FAM193A: variants seen among roughly 807,000 people sequenced by gnomAD.
The protein encoded by FAM193A is protein FAM193A.
In FAM193A, 22 loss-of-function variants were observed where a neutral mutation model predicts 126.5. The ratio of observed to expected loss-of-function variants is 0.17; its 90% CI spans 0.12 to 0.25. The LOEUF is 0.25. Ranked by LOEUF, FAM193A falls within the 10% of genes least tolerant of loss-of-function variation. FAM193A has a pLI of 1.00. For synonymous variants in FAM193A, 761 were observed against 646.8 expected, an observed-to-expected ratio of 1.18 and a Z score of -2.68; for missense variants, 1,675 against 1,672.8, an observed-to-expected ratio of 1.00 and a Z score of -0.02.
chr4:2,563,438 T>C (rs1173921661), intron 1 of FAM193A, among the ~76,000 whole-genome samples: 2 of 151,070 alleles, frequency 1.3e-5, no homozygotes, highest in Admixed American at 6.6e-5. Flanking sequence ...GCATGGTGGC[T>C]CCCACCTATA....
intron 20 of FAM193A, among the ~76,000 whole-genome samples, chr4:2,722,796 A>AACCATTT (rs1720303660): frequency 1.3e-5 from 2 of 152,220 alleles, no homozygotes; most frequent in Non-Finnish European, 1.5e-5. Flanking sequence ...TGACAGTAAT[A>AACCATTT]ACCATTTTCA....
Position 2,699,775 on chromosome 4 carries a change from G to A in FAM193A, c.3603G>A (p.Glu1201=). 6.2e-7 allele frequency: 1 copy of A among 1,613,904 alleles called. No homozygotes were observed. Among genetic ancestry groups the A allele is most frequent in the Non-Finnish European group, 8.5e-7 (1 of 1,179,926 alleles). Residue 1201 remains glutamate, a synonymous_variant, in exon 19 of 21, where the codon GAG becomes GAA. Coordinates refer to ENST00000637812, the MANE Select transcript of FAM193A (RefSeq NM_001366318.2). ...EQRRREEEED[E]EEEEDRFKEE... is the part of the protein sequence containing the mutation. ...GGCGGCGGGAGGAGGAGGAGGATGA[G>A]GAAGAAGAGGAGGATCGTTTCAAGG...
intron 5 of FAM193A, among the ~76,000 whole-genome samples, chr4:2,636,284 C>T (rs1025332067): frequency 6.6e-6 from 1 of 151,956 alleles, no homozygotes; most frequent in Non-Finnish European, 1.5e-5. Flanking sequence ...AGGATGGTCT[C>T]GATCTCCTGA....
chr4:2,557,811 G>A (rs191323207), intron 1 of FAM193A, among the ~76,000 whole-genome samples: 73 of 152,228 alleles, frequency 4.8e-4, no homozygotes, highest in African/African-American at 1.6e-3. Flanking sequence ...AATTAGCCAG[G>A]TGTGGTGGTG....
chr4:2,599,187 A>G (rs778255730), intron 2 of FAM193A, among the ~76,000 whole-genome samples: 3 of 150,306 alleles, frequency 2.0e-5, no homozygotes, highest in Admixed American at 6.6e-5. Context: ...GACACTCTCA[A>G]CCTTTCAGAA....
chr4:2,638,067 G>A (rs908772371), intron 5 of FAM193A, among the ~76,000 whole-genome samples: 1 of 152,224 alleles, frequency 6.6e-6, no homozygotes, highest in Non-Finnish European at 1.5e-5. Flanking sequence ...ACAGGCAGGT[G>A]GAAATGGCTA....
intron 18 of FAM193A, 74 bp downstream of exon 18, chr4:2,696,667 T>A: frequency 8.5e-7 from 1 of 1,180,230 alleles, no homozygotes; most frequent in Non-Finnish European, 1.2e-6. Context: ...CGCCAGTCTC[T>A]AGGCAGGGCT....
chr4:2,728,588 C>T (rs1283647260), intron 20 of FAM193A, among the ~76,000 whole-genome samples: 1 of 152,056 alleles, frequency 6.6e-6, no homozygotes, highest in East Asian at 1.9e-4. Flanking sequence ...GGGCCTGGGG[C>T]TGAAATTTTG....
In FAM193A at chr4:2,586,669, T is replaced by G. The variant is rs148110850; in HGVS notation, c.256-9415T>G. On this transcript the variant is annotated intron_variant, in intron 1 of 20. Coordinates refer to ENST00000637812, the MANE Select transcript of FAM193A (RefSeq NM_001366318.2). ...TGAATTATTATAGCATTTGTTGTTGTTGAGAACAGGGTCTTGCTCTGTTGC... is the reference window on the plus strand; with the variant it reads ...TGAATTATTATAGCATTTGTTGTTGGTGAGAACAGGGTCTTGCTCTGTTGC... Among the ~76,000 whole-genome samples the G allele has an allele frequency of 1.5e-3, 229 of 152,328 alleles. 1 individual carries two copies. Among genetic ancestry groups the G allele is most frequent in the African/African-American group, 5.4e-3 (224 of 41,572 alleles).
chr4:2,699,916 A>G lies in FAM193A; in HGVS notation c.3744A>G (p.Ala1248=), dbSNP rs1403998991. The part of the protein sequence containing the change: ...KLDMLTRNFQ[A]ATESVPNSGN... ...ACATGCTCACTAGAAATTTCCAGGC[A>G]GCAACAGAGTCTGTTCCTAACTCTG... Residue 1248 remains alanine, a synonymous_variant, in exon 19 of 21, where the codon GCA becomes GCG. Coordinates refer to ENST00000637812, the MANE Select transcript of FAM193A (RefSeq NM_001366318.2). The G allele has an allele frequency of 1.9e-6, 3 of 1,614,034 alleles. No individual in the cohort carries two copies. The African/African-American group carries it at 4.0e-5, about 22-fold the overall frequency.
chr4:2,571,524 A>G (rs900576422), intron 1 of FAM193A, among the ~76,000 whole-genome samples: 2 of 152,076 alleles, frequency 1.3e-5, no homozygotes, highest in Non-Finnish European at 2.9e-5. Flanking sequence ...AGGTATGTGT[A>G]GAGTGAAATT....
intron 1 of FAM193A, among the ~76,000 whole-genome samples, chr4:2,587,616 C>T (rs948695731): frequency 2.0e-5 from 3 of 152,148 alleles, no homozygotes; most frequent in Non-Finnish European, 4.4e-5. Flanking sequence ...CACTTGATAG[C>T]CCGGGTGGTG....
At chr4:2,631,700 A>G (rs917252916) in intron 5 of FAM193A, among the ~76,000 whole-genome samples, 26 of 152,222 alleles carry the variant, frequency 1.7e-4, no homozygotes, top group African/African-American at 2.2e-4. Context: ...GACAGGCCCT[A>G]TCACCATCCT....
chr4:2,708,207 C>T (rs1176273238), intron 19 of FAM193A: 1 of 444,374 alleles, frequency 2.3e-6, no homozygotes, highest in Non-Finnish European at 4.5e-6. Flanking sequence ...CTCACTGCAA[C>T]CTTCGCCTCC....
chr4:2,659,984 T>C lies in FAM193A; in HGVS notation c.1675T>C (p.Ser559Pro). 14 of 1,614,156 alleles carry C rather than the reference T, an allele frequency of 8.7e-6. No homozygotes were observed. The highest frequency in any genetic ancestry group is 1.2e-5 in the Non-Finnish European group (14 of 1,180,030). The change falls in exon 10 of 21, where the codon TCC (serine) becomes CCC (proline). Residue 559 changes from serine to proline, a missense_variant. This residue lies in a region of FAM193A where 1,186 missense variants were observed against 1,109.2 expected (regional missense o/e 1.07). Transcript: ENST00000637812. ...GTCATCTGCAAGCTCGGGGTCCGGCTCCAGCTCTCCCATCACAATTCAGCA... is the reference window on the plus strand; with the variant it reads ...GTCATCTGCAAGCTCGGGGTCCGGCCCCAGCTCTCCCATCACAATTCAGCA... Reference protein sequence around the residue: ...SVSSASSGSGSSSPITIQQHP... With the variant: ...SVSSASSGSGPSSPITIQQHP...
At chr4:2,634,827 T>A (rs1010300997) in intron 5 of FAM193A, among the ~76,000 whole-genome samples, 1 of 152,196 alleles carries the variant, frequency 6.6e-6, no homozygotes, top group African/African-American at 2.4e-5. Context: ...CAGGACTTTG[T>A]TGAAAATGGT....
chr4:2,645,034 ATGTGTGTGTGTGTG>A (rs3221482), intron 6 of FAM193A, among the ~76,000 whole-genome samples: 2 of 149,378 alleles, frequency 1.3e-5, no homozygotes, highest in Admixed American at 6.7e-5. Flanking sequence ...ATATACATGA[ATGTGTGTGTGTGTG>A]TGTGTGTGTG....
chr4:2,694,919 C>T, intron 16 of FAM193A, 27 bp from the exon 17 acceptor site: 1 of 1,560,508 alleles, frequency 6.4e-7, no homozygotes, highest in Non-Finnish European at 8.6e-7. Context: ...CGGCCACTTG[C>T]TGATGAGCTT....
chr4:2,698,382 G>T (rs1717287977), intron 18 of FAM193A, among the ~76,000 whole-genome samples: 1 of 152,212 alleles, frequency 6.6e-6, no homozygotes, highest in African/African-American at 2.4e-5. Context: ...TCCCGTGCAG[G>T]CCCACAGCTC....
Sources: allele counts gnomAD v4.1 joint callset (sites outside exome capture counted in the v4.1 genomes callset), GRCh38; gene constraint gnomAD v4.1.1; regional missense constraint gnomAD v4.1.1; transcripts MANE v1.5; gene names NCBI Gene and HGNC (gene_info 2026-07-23, HGNC 2026-07-21).